Variants in NEO1 observed in about 807,000 individuals in gnomAD.
NEO1 encodes neogenin 1.
NEO1 carries 63 observed loss-of-function variants against 159.7 expected under a neutral mutation model. The ratio of observed to expected loss-of-function variants is 0.39; its 90% CI spans 0.32 to 0.49. The LOEUF is 0.49. NEO1 is among the 20% of genes least tolerant of loss of function. The pLI is 0.85. For synonymous variants in NEO1, 633 were observed against 662.0 expected, an observed-to-expected ratio of 0.96 and a Z score of 0.67; for missense variants, 1,615 against 1,831.0, an observed-to-expected ratio of 0.88 and a Z score of 2.15.
chr15:73,091,111 C>T (rs1053865933), intron 1 of NEO1, among the ~76,000 whole-genome samples: 35 of 152,324 alleles, frequency 2.3e-4, no homozygotes, highest in Non-Finnish European at 3.8e-4. Context: ...TTACTACCTC[C>T]CTTTACAATT....
intron 9 of NEO1, among the ~76,000 whole-genome samples, chr15:73,245,560 G>A (rs1490431656): frequency 6.6e-6 from 1 of 150,774 alleles, no homozygotes; most frequent in African/African-American, 2.4e-5. Context: ...ACAAATTACT[G>A]TTTTTCCTCA....
At chr15:73,253,497 G>C in intron 12 of NEO1, 48 bp downstream of exon 12, 2 of 1,318,904 alleles carry the variant, frequency 1.5e-6, no homozygotes, top group Non-Finnish European at 1.1e-6. Context: ...ATACTGTTGC[G>C]CCTCAGAGGG....
chr15:73,262,203 G>C (rs12903941), intron 15 of NEO1, among the ~76,000 whole-genome samples: 1 of 152,022 alleles, frequency 6.6e-6, no homozygotes, highest in Non-Finnish European at 1.5e-5. Context: ...CTTTGGGATA[G>C]GCAAGGACCT....
chr15:73,161,005 T>G (rs987373560), intron 5 of NEO1, among the ~76,000 whole-genome samples: 2 of 152,104 alleles, frequency 1.3e-5, no homozygotes, highest in Non-Finnish European at 2.9e-5. Flanking sequence ...TCAAGACTTG[T>G]CTTATTATAG....
intron 27 of NEO1, among the ~76,000 whole-genome samples, chr15:73,298,889 G>A (rs908255693): frequency 1.3e-5 from 2 of 152,176 alleles, no homozygotes; most frequent in Non-Finnish European, 2.9e-5. Context: ...TTGGTGGTAA[G>A]TCCAATGGCA....
At chr15:73,190,940 G>T (rs1012889857) in intron 7 of NEO1, among the ~76,000 whole-genome samples, 3 of 151,944 alleles carry the variant, frequency 2.0e-5, no homozygotes, top group African/African-American at 7.2e-5. Flanking sequence ...TAAATTTAAT[G>T]ATCTCTTAGG....
At chr15:73,078,603 G>A (rs1380359701) in intron 1 of NEO1, among the ~76,000 whole-genome samples, 1 of 152,236 alleles carries the variant, frequency 6.6e-6, no homozygotes, top group Non-Finnish European at 1.5e-5. Context: ...GGGACACTGA[G>A]GTGTAGGGTG....
chr15:73,186,833 T>C (rs968819626), intron 7 of NEO1, among the ~76,000 whole-genome samples: 25 of 152,144 alleles, frequency 1.6e-4, no homozygotes, highest in Non-Finnish European at 3.5e-4. Flanking sequence ...ATTTTAGGCT[T>C]AATGGGTCAG....
chr15:73,301,297 T>C, intron 27 of NEO1, 24 bp from the exon 28 acceptor site: 1 of 1,613,950 alleles, frequency 6.2e-7, no homozygotes, highest in South Asian at 1.1e-5. Flanking sequence ...TGGCCACATA[T>C]CTGATGGTGC....
chr15:73,164,484 G>C (rs2034431855), intron 5 of NEO1, among the ~76,000 whole-genome samples: 1 of 152,088 alleles, frequency 6.6e-6, no homozygotes, highest in Non-Finnish European at 1.5e-5. Context: ...CAAAGTGCTG[G>C]AATTACAGGC....
chr15:73,063,597 T>C (rs2068072196), intron 1 of NEO1, among the ~76,000 whole-genome samples: 1 of 151,432 alleles, frequency 6.6e-6, no homozygotes, highest in East Asian at 1.9e-4. Flanking sequence ...TTTGAAGCCG[T>C]AAGTAGGGTT....
chr15:73,110,703 T>C (rs1399312524), intron 1 of NEO1, among the ~76,000 whole-genome samples: 3 of 152,138 alleles, frequency 2.0e-5, no homozygotes, highest in Non-Finnish European at 4.4e-5. Context: ...GACTTGGGAA[T>C]GTAGAAGATA....
chr15:73,059,040 A>G (rs919413301), intron 1 of NEO1, among the ~76,000 whole-genome samples: 2 of 152,074 alleles, frequency 1.3e-5, no homozygotes, highest in Admixed American at 6.5e-5. Context: ...ATTTTATTTT[A>G]TATGTGTAAA....
At chr15:73,221,247 C>T (rs1401072107) in intron 7 of NEO1, among the ~76,000 whole-genome samples, 2 of 152,190 alleles carry the variant, frequency 1.3e-5, no homozygotes, top group African/African-American at 4.8e-5. Flanking sequence ...AGCGGTTTTT[C>T]GTGAACCACG....
At chr15:73,130,156 T>C (rs960153031) in intron 4 of NEO1, among the ~76,000 whole-genome samples, 1 of 152,134 alleles carries the variant, frequency 6.6e-6, no homozygotes, top group African/African-American at 2.4e-5. Flanking sequence ...GTATTTTTCA[T>C]AGAGACGGGG....
intron 7 of NEO1, among the ~76,000 whole-genome samples, chr15:73,178,801 T>A (rs971984902): frequency 3.9e-5 from 6 of 152,134 alleles, no homozygotes; most frequent in Admixed American, 1.3e-4. Flanking sequence ...ATTCAAACAC[T>A]GAGAAAACTA....
intron 2 of NEO1, among the ~76,000 whole-genome samples, chr15:73,121,267 C>A (rs2071627727): frequency 1.3e-5 from 2 of 152,182 alleles, no homozygotes; most frequent in African/African-American, 4.8e-5. Flanking sequence ...ACATATTTCA[C>A]TTGGTGGCTG....
At chr15:73,121,572 T>C (rs1461452898) in intron 2 of NEO1, among the ~76,000 whole-genome samples, 1 of 152,202 alleles carries the variant, frequency 6.6e-6, no homozygotes, top group East Asian at 1.9e-4. Flanking sequence ...TCTGTAAATA[T>C]ACTGTTCCTC....
At chr15:73,149,405 G>A (rs985291461) in intron 5 of NEO1, among the ~76,000 whole-genome samples, 2 of 151,956 alleles carry the variant, frequency 1.3e-5, no homozygotes, top group Non-Finnish European at 2.9e-5. Context: ...ACTGCAAATA[G>A]GCAGAAGGCA....
Sources: allele counts gnomAD v4.1 joint callset (sites outside exome capture counted in the v4.1 genomes callset), GRCh38; gene constraint gnomAD v4.1.1; transcripts MANE v1.5; gene names NCBI Gene and HGNC (gene_info 2026-07-23, HGNC 2026-07-21).